The following MCF2L2 variants were observed in gnomAD, a reference collection of about 807,000 sequenced individuals.
The protein encoded by MCF2L2 is probable guanine nucleotide exchange factor MCF2L2.
MCF2L2 carries 102 observed loss-of-function variants against 150.2 expected under a neutral mutation model. That is an observed-to-expected ratio of 0.68 (90% CI 0.58 to 0.80). The LOEUF (loss-of-function observed/expected upper bound fraction) is 0.80. Ranked by LOEUF, MCF2L2 falls within the 30% of genes least tolerant of loss-of-function variation. The pLI is 0.00. For missense variants in MCF2L2, 1,256 were observed against 1,372.8 expected, an observed-to-expected ratio of 0.91 and a Z score of 1.34; for synonymous variants, 465 against 491.3, an observed-to-expected ratio of 0.95 and a Z score of 0.71.
chr3:183,294,058 T>C (rs1728317726), intron 13 of MCF2L2, among the ~76,000 whole-genome samples: 1 of 152,100 alleles, frequency 6.6e-6, no homozygotes, highest in South Asian at 2.1e-4. Context: ...CCAGCAGAAA[T>C]TGAAAGGTGA....
chr3:183,313,745 A>G (rs1041805852), intron 7 of MCF2L2, among the ~76,000 whole-genome samples: 3 of 152,208 alleles, frequency 2.0e-5, no homozygotes, highest in African/African-American at 7.2e-5. Context: ...GAACATGTGT[A>G]TAAGTTCATG....
At chr3:183,295,508 A>G in intron 12 of MCF2L2, 31 bp from the exon 13 acceptor site, 1 of 1,609,054 alleles carries the variant, frequency 6.2e-7, no homozygotes, top group Non-Finnish European at 8.5e-7. Flanking sequence ...CATGATGAAC[A>G]GGTCTCTCTG....
intron 14 of MCF2L2, among the ~76,000 whole-genome samples, chr3:183,284,879 C>A (rs1727703079): frequency 6.6e-6 from 1 of 152,186 alleles, no homozygotes; most frequent in African/African-American, 2.4e-5. Context: ...AGGGCCACCC[C>A]AGGATTTGGT....
intron 13 of MCF2L2, among the ~76,000 whole-genome samples, chr3:183,294,633 ATTTT>A (rs754395602): frequency 3.1e-5 from 4 of 129,858 alleles, no homozygotes; most frequent in South Asian, 2.3e-4. Flanking sequence ...ATATATATAT[ATTTT>A]TTTTTTTTTG....
chr3:183,361,077 G>GAAGAGAAGAGAAGAGAAGAC (rs1560040294), intron 3 of MCF2L2, among the ~76,000 whole-genome samples: 1 of 100,424 alleles, frequency 1.0e-5, no homozygotes. Context: ...AGACAGAAGA[G>GAAGAGAAGAGAAGAGAAGAC]AAGACAAGAC....
At chr3:183,195,490 T>G (rs1376762300) in intron 25 of MCF2L2, among the ~76,000 whole-genome samples, 1 of 152,180 alleles carries the variant, frequency 6.6e-6, no homozygotes, top group Non-Finnish European at 1.5e-5. Context: ...GCTGAGTTTC[T>G]GGCATGCATT....
intron 3 of MCF2L2, chr3:183,374,078 C>A (rs147307076): frequency 1.3e-5 from 2 of 153,000 alleles, no homozygotes; most frequent in Admixed American, 6.6e-5. Flanking sequence ...CCTAATTGGT[C>A]TCCCTGCCTC....
At chr3:183,269,726 CG>C (rs1726555956) in intron 15 of MCF2L2, 2 of 1,377,380 alleles carry the variant, frequency 1.5e-6, no homozygotes, top group Admixed American at 4.6e-5. Context: ...CTACGAAACA[CG>C]AAGTTCTATG....
chr3:183,408,119 C>G (rs1254295227), intron 1 of MCF2L2, among the ~76,000 whole-genome samples: 1 of 152,120 alleles, frequency 6.6e-6, no homozygotes, highest in Non-Finnish European at 1.5e-5. Context: ...CCCCCCCAAT[C>G]TTCTGTGTGC....
At chr3:183,408,436 G>C (rs1715153811) in intron 1 of MCF2L2, among the ~76,000 whole-genome samples, 1 of 152,224 alleles carries the variant, frequency 6.6e-6, no homozygotes, top group Non-Finnish European at 1.5e-5. Context: ...GAGCTGCGCA[G>C]GATGCTGCGG....
chr3:183,262,998 G>C (rs760730451), intron 15 of MCF2L2, among the ~76,000 whole-genome samples: 2 of 152,048 alleles, frequency 1.3e-5, no homozygotes, highest in Non-Finnish European at 2.9e-5. Context: ...AAACGGGGGA[G>C]GTGTGTGAGG....
chr3:183,312,032 A>C lies in MCF2L2; in HGVS notation c.754-260T>G, dbSNP rs540088828. Among the ~76,000 whole-genome samples the C allele has an allele frequency of 2.6e-5, 4 of 152,376 alleles. No individual in the cohort carries two copies. In the South Asian group the frequency reaches 8.3e-4, roughly 32 times the overall value. On this transcript the variant is annotated intron_variant, in intron 7 of 29. Transcript: ENST00000328913. ...CAAAATCAACATCTGCTTTTTGTAT[A>C]TCTCAAGCTATTGTTGTAAATTAAA...
intron 15 of MCF2L2, among the ~76,000 whole-genome samples, chr3:183,232,461 ACTTT>A (rs1216058925): frequency 6.6e-6 from 1 of 152,118 alleles, no homozygotes. Flanking sequence ...TCCCAGACAG[ACTTT>A]CTTTCTCTCC....
chr3:183,355,594 C>G (rs1037409117), intron 3 of MCF2L2, among the ~76,000 whole-genome samples: 2 of 150,290 alleles, frequency 1.3e-5, no homozygotes, highest in Admixed American at 6.6e-5. Context: ...CTACAGGCGC[C>G]CGCCACCACG....
At chr3:183,425,595 G>A (rs1330193419) in intron 1 of MCF2L2, among the ~76,000 whole-genome samples, 1 of 152,108 alleles carries the variant, frequency 6.6e-6, no homozygotes, top group Non-Finnish European at 1.5e-5. Context: ...TTAGAGAAAC[G>A]CCCGCTCCAC....
At chr3:183,385,601 A>C (rs1454619610) in intron 2 of MCF2L2, among the ~76,000 whole-genome samples, 1 of 152,240 alleles carries the variant, frequency 6.6e-6, no homozygotes, top group Non-Finnish European at 1.5e-5. Flanking sequence ...AAAGTGAAAG[A>C]GAGAGATTCA....
At chr3:183,195,104 A>G in intron 26 of MCF2L2, 118 bp downstream of exon 26, 1 of 875,404 alleles carries the variant, frequency 1.1e-6, no homozygotes, top group Non-Finnish European at 1.8e-6. Context: ...AAAATTGGAA[A>G]TCCCTTGTAA....
At chr3:183,361,040 A>AC (rs1336195141) in intron 3 of MCF2L2, among the ~76,000 whole-genome samples, 37 of 119,348 alleles carry the variant, frequency 3.1e-4, no homozygotes, top group African/African-American at 1.2e-3. Context: ...GAAAAGGAAG[A>AC]AAGGAAAGGA....
At chr3:183,360,375 C>T (rs1399795486) in intron 3 of MCF2L2, among the ~76,000 whole-genome samples, 1 of 151,974 alleles carries the variant, frequency 6.6e-6, no homozygotes, top group Non-Finnish European at 1.5e-5. Flanking sequence ...CATGATCAGC[C>T]TGGGCAACAG....
Sources: allele counts gnomAD v4.1 joint callset (sites outside exome capture counted in the v4.1 genomes callset), GRCh38; gene constraint gnomAD v4.1.1; transcripts MANE v1.5; gene names NCBI Gene and HGNC (gene_info 2026-07-23, HGNC 2026-07-21).